Variants in ALDH3B2 observed in about 807,000 individuals in gnomAD.
The protein encoded by ALDH3B2 is aldehyde dehydrogenase 3 family member B2.
A neutral mutation model predicts 36.7 loss-of-function variants in ALDH3B2; 45 were observed. The ratio of observed to expected loss-of-function variants is 1.23; its 90% confidence interval spans 0.97 to 1.57. The LOEUF is 1.57. Among genes scored for constraint, ALDH3B2 ranks in the 40% most tolerant of loss-of-function variants. The probability of loss-of-function intolerance (pLI) is 0.00; values close to 1 mark genes in which losing one functional copy is unlikely to be tolerated. For synonymous variants in ALDH3B2, 217 were observed against 226.5 expected (o/e 0.96, Z 0.38); for missense variants, 464 against 513.3 (o/e 0.90, Z 0.93).
At chr11:67,669,520 G>A (rs938285355) in intron 1 of ALDH3B2, among the ~76,000 whole-genome samples, 1 of 150,824 alleles carries the variant, frequency 6.6e-6, no homozygotes, top group African/African-American at 2.4e-5. Flanking sequence ...GTGTATGGGT[G>A]TCTGTGTATG....
Position 67,664,560 on chromosome 11 carries a change from G to A in ALDH3B2, c.709C>T (p.Pro237Ser), listed in dbSNP as rs566460680. 1.9e-6 allele frequency: 3 copies of A among 1,613,110 alleles called. No homozygotes were observed. In the South Asian group the frequency reaches 3.3e-5, roughly 18 times the overall value. Residue 237 changes from proline to serine, a missense_variant and splice_region_variant, in exon 8 of 10, where the codon CCC becomes TCC. Coordinates refer to ENST00000349015, the Ensembl canonical transcript of ALDH3B2. Reference sequence around the variant, plus strand: ...TCCTGCACGTCCACCAGCACCGTGGGGGCTGCGGGCACCAGAGACGGCTCA... The same window carrying A: ...TCCTGCACGTCCACCAGCACCGTGGAGGCTGCGGGCACCAGAGACGGCTCA...
intron 1 of ALDH3B2, among the ~76,000 whole-genome samples, chr11:67,680,309 A>T (rs2514058): frequency 5.9e-5 from 9 of 152,170 alleles, no homozygotes; most frequent in African/African-American, 1.4e-4. Flanking sequence ...GTGAGACTCC[A>T]TCTCAAGAAA....
upstream of ALDH3B2, among the ~76,000 whole-genome samples, chr11:67,676,420 G>A (rs996403378): frequency 2.6e-5 from 4 of 152,096 alleles, no homozygotes; most frequent in South Asian, 4.1e-4. Flanking sequence ...TGACAACAGT[G>A]ACACAACCTA....
chr11:67,664,661 G>T, intron 7 of ALDH3B2, 99 bp from the exon 8 acceptor site: 1 of 1,491,492 alleles, frequency 6.7e-7, no homozygotes, highest in Admixed American at 2.2e-5. Flanking sequence ...AGGGCTCCAG[G>T]CCAGGATCCC....
At chr11:67,680,025 C>T (rs931970494) in intron 1 of ALDH3B2, among the ~76,000 whole-genome samples, 1 of 151,688 alleles carries the variant, frequency 6.6e-6, no homozygotes, top group Admixed American at 6.6e-5. Context: ...TCTAAAGAAC[C>T]AGATTAGAGG....
exon 7 of ALDH3B2, chr11:67,665,610 G>A (rs755383162): frequency 6.2e-7 from 1 of 1,613,980 alleles, no homozygotes; most frequent in Admixed American, 1.7e-5. Context: ...CCAGCTCCAG[G>A]GTGACAGGCG....
chr11:67,666,129 G>A (rs764673440), exon 6 of ALDH3B2: 3 of 1,614,086 alleles, frequency 1.9e-6, no homozygotes, highest in East Asian at 2.2e-5. Flanking sequence ...CACCTGTGAA[G>A]AAGATGTAGT....
chr11:67,665,773 G>A lies in ALDH3B2; in HGVS notation c.320-102C>T, dbSNP rs573554055. The stretch of plus-strand genomic sequence containing the variant: ...TCCCTGGAGAGGTGTTGGAGTCGGC[G>A]GGCTTCCTAGGGACATGGTGAGGAG... On this transcript the variant is annotated intron_variant, in intron 6 of 9. Coordinates refer to ENST00000349015, the Ensembl canonical transcript of ALDH3B2. The A allele has an allele frequency of 7.2e-5, 107 of 1,480,126 alleles. 2 individuals are homozygous for A. In the South Asian group the frequency reaches 1.2e-3, roughly 16 times the overall value. 91.7% of individuals were successfully genotyped at this position (1,480,126 alleles called of 1,614,324 possible).
upstream of ALDH3B2, among the ~76,000 whole-genome samples, chr11:67,676,886 C>T (rs751813637): frequency 1.4e-4 from 21 of 151,950 alleles, no homozygotes; most frequent in Non-Finnish European, 2.9e-4. Flanking sequence ...AATACAACCC[C>T]CCTAGTTTAA....
At chr11:67,664,550 A>T (rs1418118277) in exon 8 of ALDH3B2, 2 of 1,613,460 alleles carry the variant, frequency 1.2e-6, no homozygotes, top group Middle Eastern at 1.8e-4. Context: ...CACGTCCACC[A>T]GCACCGTGGG....
exon 6 of ALDH3B2, chr11:67,666,171 C>G: frequency 6.2e-7 from 1 of 1,614,202 alleles, no homozygotes; most frequent in South Asian, 1.1e-5. Context: ...GCCCTGTCTC[C>G]TGGGGTCCGC....
intron 2 of ALDH3B2, 91 bp from the exon 3 acceptor site, chr11:67,667,107 C>G: frequency 1.4e-6 from 1 of 691,706 alleles, no homozygotes; most frequent in Non-Finnish European, 2.5e-6. Context: ...GGCACCACCA[C>G]CACTGGACAT....
chr11:67,667,610 G>T (rs1025419362), exon 2 of ALDH3B2: 2 of 356,626 alleles, frequency 5.6e-6, no homozygotes, highest in South Asian at 1.1e-4. Flanking sequence ...CGCAGCCGCC[G>T]CAGCGTGTCC....
upstream of ALDH3B2, among the ~76,000 whole-genome samples, chr11:67,677,743 A>G (rs1451665195): frequency 1.3e-5 from 2 of 152,216 alleles, no homozygotes; most frequent in Non-Finnish European, 2.9e-5. Context: ...CTGATAAAAG[A>G]ATTCAGCAAA....
rs146016062 is a variant in ALDH3B2 at position 67,666,004 on chromosome 11, G to A, written c.319+118C>T. 2,195 of 1,321,914 alleles carry A rather than the reference G, an allele frequency of 1.7e-3. 10 individuals are homozygous for A. Among genetic ancestry groups the A allele is most frequent in the Middle Eastern group, 7.9e-3 (30 of 3,810 alleles). The allele number at this position is 1,321,914 out of a possible 1,614,324, so 81.9% of individuals were successfully genotyped here. ...ATGCAGGCAGACGGACTCTGTGCCA[G>A]CTCCAGCTCCCCACGTGCCCCCACT... On this transcript the variant is annotated intron_variant, in intron 6 of 9. Transcript: ENST00000349015.
intron 7 of ALDH3B2, 51 bp downstream of exon 7, chr11:67,665,234 T>A (rs763003695): frequency 6.5e-7 from 1 of 1,543,592 alleles, no homozygotes; most frequent in East Asian, 2.3e-5. Flanking sequence ...GGGCCCTCCA[T>A]TGAGAAAGGG....
upstream of ALDH3B2, among the ~76,000 whole-genome samples, chr11:67,677,291 G>A (rs369424577): frequency 2.0e-5 from 3 of 152,078 alleles, no homozygotes; most frequent in Non-Finnish European, 4.4e-5. Flanking sequence ...ATGCAGGGGT[G>A]GTTTAACGTA....
chr11:67,674,879 C>T (rs3808972), upstream of ALDH3B2: 8,291 of 152,312 alleles, frequency 0.054, 462 homozygotes, highest in African/African-American at 0.14. Flanking sequence ...AAAAAGAACC[C>T]CAGGGGAAGG....
At chr11:67,665,400 G>C (rs780205137) in exon 7 of ALDH3B2, 1 of 1,614,116 alleles carries the variant, frequency 6.2e-7, no homozygotes, top group Non-Finnish European at 8.5e-7. Flanking sequence ...GGTTTGGGGA[G>C]CTCTGGGGGT....
Sources: gnomAD v4.1 joint callset for allele counts (sites outside exome capture counted in the v4.1 genomes callset) on GRCh38, gnomAD v4.1.1 for gene constraint, MANE v1.5 for transcripts, NCBI Gene and HGNC (gene_info 2026-07-23, HGNC 2026-07-21) for gene names.